The following PIP4K2A variants were observed in gnomAD, a reference collection of about 807,000 sequenced individuals.
The protein encoded by PIP4K2A is phosphatidylinositol-5-phosphate 4-kinase type 2 alpha.
In PIP4K2A, 14 loss-of-function variants were observed where a neutral mutation model predicts 42.9. The ratio of observed to expected loss-of-function variants is 0.33; its 90% CI spans 0.22 to 0.51. PIP4K2A has a LOEUF of 0.51. PIP4K2A is among the 20% of genes least tolerant of loss of function. PIP4K2A has a pLI of 0.97. For synonymous variants in PIP4K2A, 192 were observed against 192.2 expected (o/e 1.00, Z 0.01); for missense variants, 434 against 519.8 (o/e 0.83, Z 1.61).
intron 1 of PIP4K2A, among the ~76,000 whole-genome samples, chr10:22,699,553 C>T (rs552505909): frequency 6.6e-6 from 1 of 151,838 alleles, no homozygotes; most frequent in Non-Finnish European, 1.5e-5. Flanking sequence ...TAAGAAAACT[C>T]AAAGGGCCGA....
rs548417855 is a variant in PIP4K2A, at chr10:22,702,426, A to G, written c.144+11757T>C. ...CACTGCAGCACACTCTTCTAACATA[A>G]TATCTCAGATTACTTAGAAATGCAT... On this transcript the variant is annotated intron_variant, in intron 1 of 9. Transcript: ENST00000376573. 3.3e-5 allele frequency among the ~76,000 whole-genome samples: 5 copies of G among 152,326 alleles called. No individual in the cohort carries two copies. The East Asian group carries it at 5.8e-4, about 18-fold the overall frequency.
At chr10:22,565,167 C>T (rs1009449186) in intron 6 of PIP4K2A, among the ~76,000 whole-genome samples, 6 of 152,144 alleles carry the variant, frequency 3.9e-5, no homozygotes, top group African/African-American at 1.2e-4. Flanking sequence ...GGGACCTCAC[C>T]CACTTTCCTG....
At chr10:22,586,022 G>A (rs984632315) in intron 4 of PIP4K2A, among the ~76,000 whole-genome samples, 1 of 152,116 alleles carries the variant, frequency 6.6e-6, no homozygotes, top group African/African-American at 2.4e-5. Flanking sequence ...TAGGCAAATA[G>A]GTTTTTTACC....
At chr10:22,697,188 A>T (rs149269523) in intron 1 of PIP4K2A, among the ~76,000 whole-genome samples, 1 of 152,002 alleles carries the variant, frequency 6.6e-6, no homozygotes, top group African/African-American at 2.4e-5. Context: ...TTAAAATTGC[A>T]TTGCTTTTCC....
intron 6 of PIP4K2A, among the ~76,000 whole-genome samples, chr10:22,556,350 C>T (rs1479920414): frequency 6.6e-6 from 1 of 152,128 alleles, no homozygotes; most frequent in Non-Finnish European, 1.5e-5. Flanking sequence ...TGATCACCTG[C>T]AAAAGCTATT....
intron 1 of PIP4K2A, chr10:22,694,460 T>A (rs1212941617): frequency 1.3e-5 from 2 of 152,222 alleles, no homozygotes; most frequent in Non-Finnish European, 2.9e-5. Context: ...CCCAAAAATG[T>A]TTTGTACCAT....
At chr10:22,540,217 T>G (rs930926706) in intron 8 of PIP4K2A, 143 bp from the exon 9 acceptor site, 7 of 641,030 alleles carry the variant, frequency 1.1e-5, no homozygotes, top group Admixed American at 7.1e-5. Context: ...AGAGACAAAC[T>G]CTACACCACC....
intron 1 of PIP4K2A, among the ~76,000 whole-genome samples, chr10:22,710,741 T>C (rs1277341822): frequency 6.6e-6 from 1 of 152,256 alleles, no homozygotes; most frequent in Non-Finnish European, 1.5e-5. Flanking sequence ...CTTCTACAGC[T>C]TTAAACCAAA....
intron 1 of PIP4K2A, among the ~76,000 whole-genome samples, chr10:22,611,197 T>G (rs193073179): frequency 5.9e-5 from 9 of 152,202 alleles, no homozygotes; most frequent in Admixed American, 5.9e-4. Context: ...GAGACCAGCC[T>G]AGGCAACAGA....
At chr10:22,658,487 A>C (rs527498579) in intron 1 of PIP4K2A, among the ~76,000 whole-genome samples, 1 of 152,372 alleles carries the variant, frequency 6.6e-6, no homozygotes, top group African/African-American at 2.4e-5. Context: ...CAAATAAATT[A>C]AAAAGTAAAG....
intron 1 of PIP4K2A, among the ~76,000 whole-genome samples, chr10:22,664,090 C>CACAT (rs1554807209): frequency 3.6e-4 from 23 of 64,022 alleles, no homozygotes; most frequent in African/African-American, 3.4e-3. Context: ...TATATATATA[C>CACAT]ATATATATAT....
intron 4 of PIP4K2A, among the ~76,000 whole-genome samples, chr10:22,586,741 G>A (rs1837404769): frequency 6.6e-6 from 1 of 152,080 alleles, no homozygotes; most frequent in East Asian, 1.9e-4. Flanking sequence ...ATGTTGGTCA[G>A]GCTGGTCTTG....
intron 6 of PIP4K2A, among the ~76,000 whole-genome samples, chr10:22,557,951 C>A (rs901736387): frequency 6.6e-6 from 1 of 152,128 alleles, no homozygotes; most frequent in African/African-American, 2.4e-5. Flanking sequence ...AGGATTTTGG[C>A]ACTAGGTTTT....
In PIP4K2A at chr10:22,579,288, CAG is replaced by C. The variant is rs768670847; in HGVS notation, c.493-5833_493-5832del. 1.6e-4 allele frequency among the ~76,000 whole-genome samples: 24 copies of C among 152,236 alleles called. No homozygotes were observed. In the East Asian group the frequency reaches 4.6e-3, roughly 29 times the overall value. On this transcript the variant is annotated intron_variant, in intron 4 of 9. Transcript: ENST00000376573. ...TCATTCTCCAGCATCACGGGAGAAA[CAG>C]AACTTTGAGGAAAGGGGTGGAGCAG... is the stretch of plus-strand genomic sequence containing the variant.
Position 22,607,975 on chromosome 10 carries a change from G to A in PIP4K2A, c.291C>T (p.Val97=), listed in dbSNP as rs765359777. ...HFKFKEYCPM[V]FRNLRERFGI... is the part of the protein sequence containing the mutation. ...CAAACCTCTCCCGCAGGTTACGGAA[G>A]ACCATCGGGCAGTATTCCTTAAACT... is the stretch of plus-strand genomic sequence containing the variant. Residue 97 remains valine, a synonymous_variant, in exon 3 of 10, where the codon GTC becomes GTT. Transcript: ENST00000376573. 5.6e-6 allele frequency: 9 copies of A among 1,613,292 alleles called. No homozygotes were observed. Among genetic ancestry groups the A allele is most frequent in the Non-Finnish European group, 7.6e-6 (9 of 1,179,518 alleles).
rs1835889242 is a variant in PIP4K2A at position 22,535,160 on chromosome 10, GC to G, written c.*2040del. 1 of 152,090 alleles carries G rather than the reference GC, an allele frequency of 6.6e-6. No homozygotes were observed. The highest frequency in any genetic ancestry group is 6.5e-5 in the Admixed American group (1 of 15,274). The allele number at this position is 152,090 out of a possible 1,614,324, so 9.4% of individuals were successfully genotyped here. On this transcript the variant is annotated 3_prime_UTR_variant, in exon 10 of 10. Coordinates refer to ENST00000376573, the MANE Select transcript of PIP4K2A (RefSeq NM_005028.5). Reference sequence around the variant, plus strand: ...AACTTCTAAAAGCATACACAGATTGGCCCCCAAGGAAACAGTTACTCAAATA... The same window carrying G: ...AACTTCTAAAAGCATACACAGATTGGCCCCAAGGAAACAGTTACTCAAATA...
intron 1 of PIP4K2A, among the ~76,000 whole-genome samples, chr10:22,677,901 C>T (rs970332848): frequency 3.3e-5 from 5 of 152,098 alleles, no homozygotes; most frequent in African/African-American, 4.8e-5. Context: ...AGGGAGGCTG[C>T]GTGTGGTCTA....
chr10:22,654,422 C>T (rs1053712512), intron 1 of PIP4K2A, among the ~76,000 whole-genome samples: 6 of 152,044 alleles, frequency 3.9e-5, no homozygotes, highest in African/African-American at 1.5e-4. Context: ...GCAAATGATC[C>T]AAATCGTAAG....
chr10:22,713,842 C>A, intron 1 of PIP4K2A: 1 of 170,372 alleles, frequency 5.9e-6, no homozygotes, highest in Non-Finnish European at 1.3e-5. Context: ...GGCGCCGTGC[C>A]CCGCACAAAC....
Sources: allele counts gnomAD v4.1 joint callset (sites outside exome capture counted in the v4.1 genomes callset), GRCh38; gene constraint gnomAD v4.1.1; transcripts MANE v1.5; gene names NCBI Gene and HGNC (gene_info 2026-07-23, HGNC 2026-07-21).